SRRM4: variants seen among roughly 807,000 people sequenced by gnomAD.
The protein encoded by SRRM4 is serine/arginine repetitive matrix protein 4.
In SRRM4, 33 loss-of-function variants were observed where a neutral mutation model predicts 68.9. That is an observed-to-expected ratio of 0.48 (90% CI 0.36 to 0.64). The LOEUF (loss-of-function observed/expected upper bound fraction) is 0.64. Among genes scored for constraint, SRRM4 ranks in the 30% least tolerant of loss-of-function variants. The probability of loss-of-function intolerance (pLI) is 0.00; values close to 1 mark genes in which losing one functional copy is unlikely to be tolerated. For missense variants in SRRM4, 817 were observed against 827.1 expected, an observed-to-expected ratio of 0.99 and a Z score of 0.15; for synonymous variants, 318 against 318.8, an observed-to-expected ratio of 1.00 and a Z score of 0.03.
chr12:118,988,127 T>TAAA (rs58255601), intron 1 of SRRM4, among the ~76,000 whole-genome samples: 1 of 149,474 alleles, frequency 6.7e-6, no homozygotes, highest in Non-Finnish European at 1.5e-5. Flanking sequence ...CAGAGGAATG[T>TAAA]AAAAAAAAAA....
At chr12:119,076,448 A>G (rs1489203361) in intron 1 of SRRM4, among the ~76,000 whole-genome samples, 1 of 152,182 alleles carries the variant, frequency 6.6e-6, no homozygotes, top group African/African-American at 2.4e-5. Flanking sequence ...CAGACACAGG[A>G]TGCCTGGGCT....
chr12:119,095,722 A>G (rs895275584), intron 1 of SRRM4, among the ~76,000 whole-genome samples: 6 of 152,086 alleles, frequency 3.9e-5, no homozygotes, highest in Non-Finnish European at 8.8e-5. Context: ...GACCAGTCCT[A>G]TCTTACAACG....
chr12:119,009,754 G>T (rs1953437256), intron 1 of SRRM4, among the ~76,000 whole-genome samples: 1 of 152,174 alleles, frequency 6.6e-6, no homozygotes, highest in Non-Finnish European at 1.5e-5. Flanking sequence ...TGTGCTAGGA[G>T]TCAGGGATAC....
intron 2 of SRRM4, among the ~76,000 whole-genome samples, chr12:119,110,788 C>A (rs7133625): frequency 6.6e-6 from 1 of 152,178 alleles, no homozygotes; most frequent in African/African-American, 2.4e-5. Context: ...TGAGGCGATG[C>A]CCCGCCCTGC....
chr12:119,134,363 T>C (rs1592911887), intron 8 of SRRM4, among the ~76,000 whole-genome samples: 1 of 132,538 alleles, frequency 7.5e-6, no homozygotes, highest in East Asian at 2.2e-4. Flanking sequence ...TTCAAGGTAC[T>C]GGGGAGGCAG....
intron 6 of SRRM4, 83 bp from the exon 7 acceptor site, chr12:119,125,298 G>A (rs1954250053): frequency 7.9e-7 from 1 of 1,272,518 alleles, no homozygotes; most frequent in Non-Finnish European, 1.1e-6. Flanking sequence ...GGAAAAACGG[G>A]TGTCACAAGA....
At chr12:119,015,537 C>G (rs146045360) in intron 1 of SRRM4, among the ~76,000 whole-genome samples, 83 of 152,228 alleles carry the variant, frequency 5.5e-4, no homozygotes, top group African/African-American at 2.0e-3. Context: ...CCCTCACTCA[C>G]CCTTCTACAT....
At chr12:119,027,747 A>T (rs1279219288) in intron 1 of SRRM4, among the ~76,000 whole-genome samples, 4 of 152,226 alleles carry the variant, frequency 2.6e-5, no homozygotes, top group Admixed American at 6.5e-5. Context: ...AGTATTTATT[A>T]TTATGATCCC....
Position 119,050,137 on chromosome 12 carries a change from C to T in SRRM4, c.132-52099C>T, listed in dbSNP as rs535762591. Reference sequence around the variant, plus strand: ...TCATACCTGAGCAATACCTCCAGGACGGTGACAGCAACCCTCTCCCACAAT... The same window carrying T: ...TCATACCTGAGCAATACCTCCAGGATGGTGACAGCAACCCTCTCCCACAAT... On this transcript the variant is annotated intron_variant, in intron 1 of 12. Transcript: ENST00000267260. Among the ~76,000 whole-genome samples, 9 of 152,258 alleles carry T rather than the reference C, an allele frequency of 5.9e-5. No individual in the cohort carries two copies. The South Asian group carries it at 1.0e-3, about 18-fold the overall frequency.
At chr12:119,093,894 C>T (rs972236895) in intron 1 of SRRM4, among the ~76,000 whole-genome samples, 2 of 152,122 alleles carry the variant, frequency 1.3e-5, no homozygotes, top group Non-Finnish European at 2.9e-5. Context: ...GATAGGCCAG[C>T]CTGTGGAGGG....
At chr12:118,987,246 C>T (rs1594014835) in intron 1 of SRRM4, among the ~76,000 whole-genome samples, 1 of 152,172 alleles carries the variant, frequency 6.6e-6, no homozygotes, top group Non-Finnish European at 1.5e-5. Context: ...ATATAAAGAG[C>T]ATGGCACTGT....
intron 2 of SRRM4, among the ~76,000 whole-genome samples, chr12:119,110,962 C>T (rs1328928604): frequency 6.6e-6 from 1 of 152,182 alleles, no homozygotes; most frequent in East Asian, 1.9e-4. Flanking sequence ...ACCTCCTCAC[C>T]ACTGCATATT....
At chr12:119,042,867 G>C (rs1440826567) in intron 1 of SRRM4, among the ~76,000 whole-genome samples, 1 of 152,006 alleles carries the variant, frequency 6.6e-6, no homozygotes, top group African/African-American at 2.4e-5. Flanking sequence ...GATCAAGAGA[G>C]GTGAGGGAAA....
chr12:119,146,634 G>A (rs1954403936), intron 9 of SRRM4, among the ~76,000 whole-genome samples: 1 of 149,554 alleles, frequency 6.7e-6, no homozygotes, highest in Non-Finnish European at 1.5e-5. Flanking sequence ...TTAATTGTAA[G>A]TCATTTAAGA....
chr12:119,102,788 C>T (rs1176361338), intron 2 of SRRM4, among the ~76,000 whole-genome samples: 1 of 152,186 alleles, frequency 6.6e-6, no homozygotes, highest in Non-Finnish European at 1.5e-5. Flanking sequence ...TCAGCCCAGA[C>T]CTGTCTCAGG....
At chr12:119,013,672 T>C (rs915753039) in intron 1 of SRRM4, among the ~76,000 whole-genome samples, 1 of 152,210 alleles carries the variant, frequency 6.6e-6, no homozygotes, top group African/African-American at 2.4e-5. Context: ...AACTACCCTG[T>C]TATTTTTTTA....
At chr12:119,134,035 G>A (rs772434605) in intron 8 of SRRM4, among the ~76,000 whole-genome samples, 16 of 152,110 alleles carry the variant, frequency 1.1e-4, no homozygotes, top group Admixed American at 5.9e-4. Flanking sequence ...GTTGAGGGTT[G>A]AGATAAAATT....
At chr12:119,009,298 T>G (rs1157533580) in intron 1 of SRRM4, among the ~76,000 whole-genome samples, 22 of 151,596 alleles carry the variant, frequency 1.5e-4, no homozygotes, top group Admixed American at 1.4e-3. Flanking sequence ...AGAAAGACAA[T>G]TAAAGTAGAG....
chr12:119,068,666 A>G (rs1306701709), intron 1 of SRRM4, among the ~76,000 whole-genome samples: 2 of 152,056 alleles, frequency 1.3e-5, no homozygotes, highest in Non-Finnish European at 2.9e-5. Context: ...GGCATGCCAC[A>G]GAGCTTCTAT....
Sources: allele counts gnomAD v4.1 joint callset (sites outside exome capture counted in the v4.1 genomes callset), GRCh38; gene constraint gnomAD v4.1.1; transcripts MANE v1.5; gene names NCBI Gene and HGNC (gene_info 2026-07-23, HGNC 2026-07-21).